Variants in FANCM observed in about 807,000 individuals in gnomAD.
FANCM encodes Fanconi anemia group M protein.
In FANCM, 140 loss-of-function variants were observed where a neutral mutation model predicts 199.5. The observed-to-expected ratio is 0.70, with a 90% CI of 0.61 to 0.81. The LOEUF (loss-of-function observed/expected upper bound fraction) is 0.81. Among genes scored for constraint, FANCM ranks in the 30% least tolerant of loss-of-function variants. FANCM has a pLI of 0.00. For synonymous variants in FANCM, 840 were observed against 836.8 expected (o/e 1.00, Z -0.07); for missense variants, 2,410 against 2,421.4 (o/e 1.00, Z 0.10).
At chr14:45,156,701 C>T (rs1025251089) in intron 8 of FANCM, among the ~76,000 whole-genome samples, 6 of 151,934 alleles carry the variant, frequency 3.9e-5, no homozygotes, top group African/African-American at 1.5e-4. Flanking sequence ...GGGCAGATCA[C>T]GAGGTCAAGA....
At chr14:45,144,021 T>C (rs1171373037) in intron 3 of FANCM, among the ~76,000 whole-genome samples, 1 of 151,552 alleles carries the variant, frequency 6.6e-6, no homozygotes, top group Non-Finnish European at 1.5e-5. Flanking sequence ...ATACATTCTG[T>C]GGCAGCCTTT....
Position 45,196,387 on chromosome 14 carries a change from C to T in FANCM, c.5556C>T (p.Gly1852=), listed in dbSNP as rs1396166507. 6.2e-7 allele frequency: 1 copy of T among 1,614,090 alleles called. No individual in the cohort carries two copies. The highest frequency in any genetic ancestry group is 2.2e-5 in the East Asian group (1 of 44,864). ...AAGTAGAAGTTTGTCCTCTTAATGG[C>T]TGTGATTACATCGTGAGTAATCGCA... The part of the protein sequence containing the change: ...GLQVEVCPLN[G]CDYIVSNRMV... Residue 1852 remains glycine, a synonymous_variant, in exon 21 of 23, where the codon GGC becomes GGT. Coordinates refer to ENST00000267430, the MANE Select transcript of FANCM (RefSeq NM_020937.4).
At chr14:45,191,617 A>G (rs948028429) in intron 20 of FANCM, among the ~76,000 whole-genome samples, 4 of 152,278 alleles carry the variant, frequency 2.6e-5, no homozygotes, top group Non-Finnish European at 4.4e-5. Flanking sequence ...GAAGAGGACT[A>G]TGAAAAGGGA....
chr14:45,136,053 C>A lies in FANCM; in HGVS notation c.22C>A (p.Leu8Ile). Residue 8 changes from leucine (L) to isoleucine (I), a missense_variant, in exon 1 of 23, where the codon CTT (leucine) becomes ATT (isoleucine). By Grantham distance (5) the Leu-to-Ile change is conservative. Transcript: ENST00000267430. The stretch of plus-strand genomic sequence containing the variant: ...CCTAATGAGCGGACGGCAAAGAACG[C>A]TTTTTCAGACGTGGGGCTCAAGTAT... MSGRQRT[L>I]FQTWGSSISR... is the part of the protein sequence containing the mutation. 1 of 1,613,688 alleles carries A rather than the reference C, an allele frequency of 6.2e-7. No homozygotes were observed. Among genetic ancestry groups the A allele is most frequent in the South Asian group, 1.1e-5 (1 of 91,082 alleles).
intron 14 of FANCM, among the ~76,000 whole-genome samples, chr14:45,179,348 C>T (rs914590281): frequency 2.6e-5 from 4 of 152,092 alleles, no homozygotes; most frequent in South Asian, 4.1e-4. Context: ...CCTGGCTGTT[C>T]TCTGGGTTTG....
intron 8 of FANCM, among the ~76,000 whole-genome samples, chr14:45,158,173 A>T (rs1887331905): frequency 6.6e-6 from 1 of 152,170 alleles, no homozygotes; most frequent in African/African-American, 2.4e-5. Context: ...ATTCCAGCCT[A>T]GGTGACCAAA....
chr14:45,175,048 T>C (rs759817770), intron 13 of FANCM, 23 bp from the exon 14 acceptor site: 4 of 1,521,252 alleles, frequency 2.6e-6, no homozygotes, highest in Non-Finnish European at 3.6e-6. Context: ...TCCTGTGGCT[T>C]TTTAAATTTT....
intron 3 of FANCM, 122 bp from the exon 4 acceptor site, chr14:45,148,711 GTTAC>G (rs1247111141): frequency 3.1e-6 from 2 of 650,080 alleles, no homozygotes; most frequent in Non-Finnish European, 2.7e-6. Flanking sequence ...TTTCTTTTTT[GTTAC>G]TTAATGATAT....
Position 45,181,529 on chromosome 14 carries a change from GTCAT to G in FANCM, c.4317+9_4317+12del, listed in dbSNP as rs1229048303. ...AATGTTTTAAACTCTCCTGAGGTGAGTCATTCAGTAATCACAATAGTATAATCAT... is the reference window on the plus strand; with the variant it reads ...AATGTTTTAAACTCTCCTGAGGTGAGTCAGTAATCACAATAGTATAATCAT... On this transcript the variant is annotated splice_donor_region_variant and intron_variant, in intron 15 of 22. Transcript: ENST00000267430. 6 of 1,582,486 alleles carry G rather than the reference GTCAT, an allele frequency of 3.8e-6. No homozygotes were observed. Among genetic ancestry groups the G allele is most frequent in the Non-Finnish European group, 5.2e-6 (6 of 1,151,438 alleles).
intron 2 of FANCM, among the ~76,000 whole-genome samples, chr14:45,138,262 G>T (rs148141439): frequency 6.6e-6 from 1 of 152,116 alleles, no homozygotes; most frequent in African/African-American, 2.4e-5. Flanking sequence ...TATAGAGCAA[G>T]AATAAAAGAG....
intron 9 of FANCM, among the ~76,000 whole-genome samples, chr14:45,159,829 G>T (rs996200755): frequency 6.6e-6 from 1 of 152,038 alleles, no homozygotes; most frequent in African/African-American, 2.4e-5. Flanking sequence ...GTGATGTTTT[G>T]AGGGAAATTT....
At chr14:45,193,222 G>A (rs1311713629) in intron 20 of FANCM, among the ~76,000 whole-genome samples, 3 of 152,176 alleles carry the variant, frequency 2.0e-5, no homozygotes, top group Admixed American at 1.3e-4. Context: ...TGGGAGAAGG[G>A]CAGGAAAACA....
intron 4 of FANCM, among the ~76,000 whole-genome samples, chr14:45,150,434 G>GA (rs916974834): frequency 6.6e-6 from 1 of 151,408 alleles, no homozygotes. Context: ...TGGAAGGGAG[G>GA]AAAAAAAATG....
At chr14:45,161,070 T>C (rs1388004447) in intron 9 of FANCM, among the ~76,000 whole-genome samples, 2 of 152,186 alleles carry the variant, frequency 1.3e-5, no homozygotes, top group African/African-American at 2.4e-5. Context: ...TTTTCATTAT[T>C]TGAAATACCT....
intron 8 of FANCM, among the ~76,000 whole-genome samples, chr14:45,156,845 G>T (rs1438699694): frequency 6.7e-6 from 1 of 149,572 alleles, no homozygotes; most frequent in Non-Finnish European, 1.5e-5. Flanking sequence ...TTGAACCTGG[G>T]AGACGGAGGT....
At chr14:45,171,137 C>CT (rs1312332875) in intron 12 of FANCM, among the ~76,000 whole-genome samples, 295 of 139,156 alleles carry the variant, frequency 2.1e-3, no homozygotes, top group Non-Finnish European at 2.4e-3. Flanking sequence ...TTCTTTTCAA[C>CT]TTTTTTTTTT....
intron 20 of FANCM, among the ~76,000 whole-genome samples, chr14:45,191,680 A>G (rs1038111182): frequency 6.6e-6 from 1 of 152,226 alleles, no homozygotes; most frequent in African/African-American, 2.4e-5. Flanking sequence ...ATTGAATAAA[A>G]TTACATATAG....
Position 45,147,538 on chromosome 14 carries a change from C to G in FANCM, c.760-1299C>G, listed in dbSNP as rs188040226. 2.0e-3 allele frequency among the ~76,000 whole-genome samples: 306 copies of G among 152,196 alleles called. 1 individual carries two copies. The highest frequency in any genetic ancestry group is 6.8e-3 in the Middle Eastern group (2 of 294). ...CTTCAAGCAGTCTTCCCAACTTGGC[C>G]TCCCACAGCCCTGGGATTACACCCT... On this transcript the variant is annotated intron_variant, in intron 3 of 22. Transcript: ENST00000267430.
Position 45,176,790 on chromosome 14 carries a change from A to C in FANCM, c.4036A>C (p.Thr1346Pro). The change falls in exon 14 of 23, where the codon ACA becomes CCA. Residue 1346 changes from threonine (T) to proline (P), a missense_variant. Coordinates refer to ENST00000267430, the MANE Select transcript of FANCM (RefSeq NM_020937.4). ...VMSTPLSKSN[T>P]LNSFSKIRKE... ...GAGTACACCACTCTCTAAATCAAAC[A>C]CATTGAACTCATTTTCTAAGATAAG... 6.2e-7 allele frequency: 1 copy of C among 1,607,666 alleles called. No homozygotes were observed. The highest frequency in any genetic ancestry group is 8.5e-7 in the Non-Finnish European group (1 of 1,177,006).
Sources: gnomAD v4.1 joint callset for allele counts (sites outside exome capture counted in the v4.1 genomes callset) on GRCh38, gnomAD v4.1.1 for gene constraint, MANE v1.5 for transcripts, NCBI Gene and HGNC (gene_info 2026-07-23, HGNC 2026-07-21) for gene names.